The following SH3TC1 variants were observed in gnomAD, a reference collection of about 807,000 sequenced individuals.
The protein encoded by SH3TC1 is SH3 domain and tetratricopeptide repeats 1.
A neutral mutation model predicts 117.3 loss-of-function variants in SH3TC1; 135 were observed. The ratio of observed to expected loss-of-function variants is 1.15; its 90% CI spans 1.00 to 1.33. The LOEUF (loss-of-function observed/expected upper bound fraction) is 1.33. SH3TC1 is among the 40% of genes most tolerant of loss of function. SH3TC1 has a pLI of 0.00. For missense variants in SH3TC1, 2,092 were observed against 1,794.3 expected, an observed-to-expected ratio of 1.17 and a Z score of -3.00; for synonymous variants, 898 against 816.9, an observed-to-expected ratio of 1.10 and a Z score of -1.69.
In SH3TC1 at chr4:8,237,641, C is replaced by CT. The variant is rs761480886; in HGVS notation, c.3725dup (p.Gly1243ArgfsTer2). Reference sequence around the variant, plus strand: ...CTACTACGTGAAGGTGTACCTGGTGCTCGGTGACATCATCTTCTACGACCT... The same window carrying CT: ...CTACTACGTGAAGGTGTACCTGGTGCTTCGGTGACATCATCTTCTACGACCT... On this transcript the variant is annotated frameshift_variant, in exon 17 of 18. Coordinates refer to ENST00000245105, the MANE Select transcript of SH3TC1 (RefSeq NM_018986.5). LOFTEE classifies it low-confidence loss of function (END_TRUNC). The CT allele has an allele frequency of 1.4e-5, 23 of 1,609,442 alleles. No homozygotes were observed. The highest frequency in any genetic ancestry group is 1.3e-5 in the Non-Finnish European group (15 of 1,177,940).
At position 8,227,639 on chromosome 4, in the gene SH3TC1, C is replaced by T. The variant is rs1489136133; in HGVS notation, c.1945C>T (p.Gln649Ter). 7.2e-6 allele frequency: 11 copies of T among 1,526,896 alleles called. No individual in the cohort carries two copies. The highest frequency in any genetic ancestry group is 2.2e-5 in the Admixed American group (1 of 46,036). The allele number at this position is 1,526,896 out of a possible 1,614,324, so 94.6% of individuals were successfully genotyped here. A position where few individuals can be genotyped will look rare whatever the true frequency, so the allele number is the denominator to read the frequency against. Residue 649 changes from glutamine (Q) to a stop codon, truncating the protein, a stop_gained, in exon 12 of 18, where the codon CAG (glutamine) becomes TAG (stop). Transcript: ENST00000245105. LOFTEE classifies it high-confidence loss of function. Reference sequence around the variant, plus strand: ...CACCGAGGCGGAGGGGGAGCTCCTGCAGCTGGCGCTGCGGCGGGCGGTGGG... The same window carrying T: ...CACCGAGGCGGAGGGGGAGCTCCTGTAGCTGGCGCTGCGGCGGGCGGTGGG... ...CSTEAEGELLQLALRRAVGGQ... is the reference protein window; with the variant it reads ...CSTEAEGELL
At position 8,227,747 on chromosome 4, in the gene SH3TC1, C is replaced by T. The variant is rs1720650233; in HGVS notation, c.2053C>T (p.Leu685=). ...HVHLKQPEEA[L]PFLERLLLLH... is the part of the protein sequence containing the mutation. Reference sequence around the variant, plus strand: ...GCACCTCAAGCAGCCCGAGGAGGCCCTGCCCTTCCTAGAGCGGCTGCTGCT... The same window carrying T: ...GCACCTCAAGCAGCCCGAGGAGGCCTTGCCCTTCCTAGAGCGGCTGCTGCT... The change falls in exon 12 of 18, where the codon CTG becomes TTG. Residue 685 remains leucine, a synonymous_variant. Transcript: ENST00000245105. 6.2e-7 allele frequency: 1 copy of T among 1,609,560 alleles called. No individual in the cohort carries two copies. The highest frequency in any genetic ancestry group is 8.5e-7 in the Non-Finnish European group (1 of 1,177,914).
chr4:8,216,863 T>G, intron 6 of SH3TC1, 94 bp from the exon 7 acceptor site: 1 of 1,307,496 alleles, frequency 7.6e-7, no homozygotes, highest in South Asian at 1.2e-5. Flanking sequence ...CTGTGGGTGT[T>G]GCCTTCGTTG....
At chr4:8,237,008 A>C (rs1468028130) in intron 16 of SH3TC1, 1 of 167,610 alleles carries the variant, frequency 6.0e-6, no homozygotes, top group Non-Finnish European at 1.3e-5. Flanking sequence ...CACCCTGAAA[A>C]GGGGAGGACA....
At chr4:8,193,675 G>A (rs369997081) in intron 1 of SH3TC1, among the ~76,000 whole-genome samples, 4 of 152,272 alleles carry the variant, frequency 2.6e-5, no homozygotes, top group South Asian at 4.1e-4. Context: ...CAAACCATGG[G>A]ACAGGTAGGG....
intron 13 of SH3TC1, chr4:8,233,153 A>G (rs1721401391): frequency 7.2e-7 from 1 of 1,383,814 alleles, no homozygotes; most frequent in Non-Finnish European, 9.3e-7. Context: ...CATGATGCCC[A>G]GTTCCCTCAG....
chr4:8,225,240 C>T lies in SH3TC1; in HGVS notation c.1285+24C>T, dbSNP rs556721542. 12 of 1,609,960 alleles carry T rather than the reference C, an allele frequency of 7.5e-6. No individual in the cohort carries two copies. The highest frequency in any genetic ancestry group is 1.0e-5 in the Non-Finnish European group (12 of 1,178,346). On this transcript the variant is annotated intron_variant, in intron 11 of 17. Coordinates refer to ENST00000245105, the MANE Select transcript of SH3TC1 (RefSeq NM_018986.5). This position sits in a 1 kb window ranked among gnomAD's most constrained non-coding sequence, Gnocchi z 5.5. ...AGGTGGGTTTTGCCAGTGGCTCAGGCTTCCTCTGGTTATGAGCTGGGCCTT... is the reference window on the plus strand; with the variant it reads ...AGGTGGGTTTTGCCAGTGGCTCAGGTTTCCTCTGGTTATGAGCTGGGCCTT...
At chr4:8,223,903 G>A (rs1322678006) in intron 10 of SH3TC1, among the ~76,000 whole-genome samples, 3 of 152,132 alleles carry the variant, frequency 2.0e-5, no homozygotes, top group African/African-American at 7.2e-5. Flanking sequence ...CCAAAGTGCT[G>A]GGATTACAGC....
intron 9 of SH3TC1, among the ~76,000 whole-genome samples, chr4:8,220,387 TG>T (rs35719688): frequency 2.6e-5 from 4 of 151,516 alleles, no homozygotes; most frequent in Non-Finnish European, 5.9e-5. Flanking sequence ...GTGGCTCCTC[TG>T]GGGGGGGCAC....
At chr4:8,239,229 T>A (rs766924014) in intron 17 of SH3TC1, among the ~76,000 whole-genome samples, 1 of 146,526 alleles carries the variant, frequency 6.8e-6, no homozygotes, top group Non-Finnish European at 1.5e-5. Context: ...CAAATGCACA[T>A]GCACGCTGCA....
chr4:8,182,586 G>A (rs903275520), intron 1 of SH3TC1, among the ~76,000 whole-genome samples: 1 of 152,168 alleles, frequency 6.6e-6, no homozygotes, highest in Non-Finnish European at 1.5e-5. Context: ...GTGGCCAGGG[G>A]TTCTGATCCC....
chr4:8,202,583 A>G (rs1261742850), intron 1 of SH3TC1, among the ~76,000 whole-genome samples: 1 of 152,142 alleles, frequency 6.6e-6, no homozygotes, highest in Non-Finnish European at 1.5e-5. Context: ...TTTGGCCACA[A>G]ACTGATCAAT....
At chr4:8,218,392 C>A in intron 8 of SH3TC1, 45 bp downstream of exon 8, 2 of 1,456,048 alleles carry the variant, frequency 1.4e-6, no homozygotes, top group Non-Finnish European at 1.9e-6. Context: ...AATGTGTGTG[C>A]TAGGGAGCAG....
chr4:8,197,339 G>A (rs904364068), upstream of SH3TC1, among the ~76,000 whole-genome samples: 1 of 152,190 alleles, frequency 6.6e-6, no homozygotes, highest in Admixed American at 6.5e-5. Context: ...CATTTCTGCT[G>A]TCTGGAGACC....
rs368425066 is a variant in SH3TC1, at chr4:8,219,453, C to T, written c.1035C>T (p.Cys345=). ...CGCAGGTGCCCAGCCTGCCCTGGTG[C>T]GTGGGCCGACACGCAGCCTCGGGCC... ...LGAQVPSLPW[C]VGRHAASGRV... is the part of the protein sequence containing the mutation. The change falls in exon 9 of 18, where the codon TGC becomes TGT. Residue 345 remains cysteine (C), a synonymous_variant. Transcript: ENST00000245105. The T allele has an allele frequency of 1.8e-5, 29 of 1,607,820 alleles. No individual in the cohort carries two copies. Among genetic ancestry groups the T allele is most frequent in the East Asian group, 4.5e-5 (2 of 44,508 alleles).
chr4:8,240,974 T>G lies in SH3TC1; in HGVS notation c.*19T>G. On this transcript the variant is annotated 3_prime_UTR_variant, in exon 18 of 18. Transcript: ENST00000245105. ...TCGCTGAGGACAGCATCCAAGGGAG[T>G]GGGTTTTGTGCAAGGGCTGGGGGTC... The G allele has an allele frequency of 1.9e-6, 3 of 1,603,204 alleles. No individual in the cohort carries two copies. The highest frequency in any genetic ancestry group is 2.5e-6 in the Non-Finnish European group (3 of 1,177,996).
At chr4:8,211,732 A>C (rs1469793437) in intron 3 of SH3TC1, among the ~76,000 whole-genome samples, 3 of 151,732 alleles carry the variant, frequency 2.0e-5, no homozygotes, top group Non-Finnish European at 4.4e-5. Context: ...AGGAGCCTGG[A>C]TTCTAGTGGG....
chr4:8,234,432 CCATA>C (rs907306130), intron 14 of SH3TC1, among the ~76,000 whole-genome samples: 2 of 151,942 alleles, frequency 1.3e-5, no homozygotes, highest in African/African-American at 2.4e-5. Context: ...ACCCATCCAT[CCATA>C]CATTATCCAC....
In SH3TC1 at chr4:8,237,487, C is replaced by T. The variant is rs564138568; in HGVS notation, c.3570C>T (p.Asn1190=). 2.6e-5 allele frequency: 41 copies of T among 1,584,952 alleles called. No homozygotes were observed. Among genetic ancestry groups the T allele is most frequent in the Middle Eastern group, 3.9e-4 (2 of 5,080 alleles). The change falls in exon 17 of 18, where the codon AAC becomes AAT. Residue 1190 remains asparagine (N), a synonymous_variant. Transcript: ENST00000245105. ...ALSITLGDRL[N]ERVAYHRLAA... is the part of the protein sequence containing the mutation. ...CCTGCACCCCAGGGGACCGGCTGAA[C>T]GAGCGCGTGGCCTACCACCGGCTGG...
Sources: allele counts gnomAD v4.1 joint callset (sites outside exome capture counted in the v4.1 genomes callset), GRCh38; gene constraint gnomAD v4.1.1; non-coding constraint Gnocchi (gnomAD v3.1); transcripts MANE v1.5; gene names NCBI Gene and HGNC (gene_info 2026-07-23, HGNC 2026-07-21).